SPAG16: variants seen among roughly 807,000 people sequenced by gnomAD.
SPAG16 encodes the protein sperm associated antigen 16, also known as sperm-associated antigen 16 protein.
Under a neutral mutation model 80.4 loss-of-function variants are expected in SPAG16, and 86 were observed. The observed-to-expected ratio is 1.07, with a 90% CI of 0.90 to 1.28. The LOEUF is 1.28. Among genes scored for constraint, SPAG16 ranks in the 50% most tolerant of loss-of-function variants. SPAG16 has a pLI of 0.00. For missense variants in SPAG16, 870 were observed against 765.3 expected (o/e 1.14, Z -1.61); for synonymous variants, 294 against 265.9 (o/e 1.11, Z -1.03).
At chr2:213,826,351 T>G (rs964064157) in intron 10 of SPAG16, among the ~76,000 whole-genome samples, 8 of 151,952 alleles carry the variant, frequency 5.3e-5, no homozygotes, top group Non-Finnish European at 1.5e-5. Context: ...TTATGTGTAG[T>G]TTTTCTTTTT....
At chr2:213,301,891 ATCTT>A (rs1271614001) in intron 3 of SPAG16, among the ~76,000 whole-genome samples, 1 of 151,974 alleles carries the variant, frequency 6.6e-6, no homozygotes, top group Non-Finnish European at 1.5e-5. Flanking sequence ...ATATTGGTTT[ATCTT>A]TCTTTATCTG....
intron 9 of SPAG16, among the ~76,000 whole-genome samples, chr2:213,387,733 C>T (rs902231014): frequency 4.6e-5 from 7 of 151,780 alleles, no homozygotes; most frequent in East Asian, 3.9e-4. Context: ...GGATTACAGG[C>T]GTGAGCCACC....
At chr2:213,871,838 T>TCACACACACA (rs1045988177) in intron 11 of SPAG16, among the ~76,000 whole-genome samples, 110 of 101,942 alleles carry the variant, frequency 1.1e-3, no homozygotes, top group African/African-American at 3.6e-3. Context: ...CTCAGGAAAT[T>TCACACACACA]CACACACACA....
intron 12 of SPAG16, among the ~76,000 whole-genome samples, chr2:213,949,179 T>TGTTTTTTTTTTTTTTTTTTTTTTTG (rs1553677649): frequency 2.8e-5 from 1 of 36,264 alleles, no homozygotes; most frequent in Non-Finnish European, 5.5e-5. Flanking sequence ...GTTTTTTTTT[T>TGTTTTTTTTTTTTTTTTTTTTTTTG]TTTTTTTTTT....
At position 213,567,165 on chromosome 2, in the gene SPAG16, CTTT is replaced by C. The variant is rs531916197; in HGVS notation, c.1070+77093_1070+77095del. Among the ~76,000 whole-genome samples the C allele has an allele frequency of 5.5e-3, 521 of 94,894 alleles. 2 individuals carry two copies. The highest frequency in any genetic ancestry group is 0.017 in the African/African-American group (449 of 25,670). The allele number at this position is 94,894 out of a possible 152,430, so 62.3% of individuals were successfully genotyped here. On this transcript the variant is annotated intron_variant, in intron 10 of 15. Transcript: ENST00000331683. Reference sequence around the variant, plus strand: ...TGCTCATTTCTAATCAACACAGATTCTTTTTTTTTTTTTTTTTTTTGACTTATC... The same window carrying C: ...TGCTCATTTCTAATCAACACAGATTCTTTTTTTTTTTTTTTTTGACTTATC...
At chr2:214,114,461 C>T (rs1236049427) in intron 14 of SPAG16, among the ~76,000 whole-genome samples, 1 of 151,992 alleles carries the variant, frequency 6.6e-6, no homozygotes, top group Non-Finnish European at 1.5e-5. Flanking sequence ...AGGCAGTAGG[C>T]CTTGCTTTTT....
At chr2:213,848,727 A>C (rs11674163) in intron 10 of SPAG16, among the ~76,000 whole-genome samples, 92,021 of 151,910 alleles carry the variant, frequency 0.61, 29,536 homozygotes, top group East Asian at 0.85. Context: ...CTCCCATCTA[A>C]TGGAAACTGA....
chr2:213,901,265 A>G (rs771709369), intron 11 of SPAG16, among the ~76,000 whole-genome samples: 17 of 152,198 alleles, frequency 1.1e-4, no homozygotes, highest in Non-Finnish European at 2.1e-4. Context: ...AGCAGCCTAC[A>G]AAAAGAAGGA....
intron 9 of SPAG16, among the ~76,000 whole-genome samples, chr2:213,477,571 C>T (rs747737667): frequency 6.6e-6 from 1 of 152,202 alleles, no homozygotes; most frequent in Admixed American, 6.5e-5. Context: ...TAATGACTGC[C>T]CTGTTGGAGA....
chr2:213,718,600 T>C (rs954954428), intron 10 of SPAG16, among the ~76,000 whole-genome samples: 9 of 152,158 alleles, frequency 5.9e-5, no homozygotes, highest in Admixed American at 2.6e-4. Flanking sequence ...CAGTCAGCCC[T>C]GCTGGCCCGG....
chr2:213,312,867 TG>T (rs1452834138), intron 4 of SPAG16, among the ~76,000 whole-genome samples: 3 of 151,824 alleles, frequency 2.0e-5, no homozygotes, highest in Admixed American at 6.6e-5. Flanking sequence ...TACAACTTTC[TG>T]GGGATGGTTA....
At chr2:213,371,055 G>A (rs2066600678) in intron 8 of SPAG16, among the ~76,000 whole-genome samples, 1 of 152,090 alleles carries the variant, frequency 6.6e-6, no homozygotes, top group Non-Finnish European at 1.5e-5. Flanking sequence ...TTTGTCTGTG[G>A]TCCCTTAGAC....
chr2:213,383,378 T>C (rs2067275691), intron 9 of SPAG16, among the ~76,000 whole-genome samples: 1 of 152,198 alleles, frequency 6.6e-6, no homozygotes, highest in Non-Finnish European at 1.5e-5. Flanking sequence ...TACTTGTTCC[T>C]GTTCTTCTCA....
At chr2:213,607,604 T>C (rs2061307886) in intron 10 of SPAG16, among the ~76,000 whole-genome samples, 1 of 152,220 alleles carries the variant, frequency 6.6e-6, no homozygotes, top group Non-Finnish European at 1.5e-5. Context: ...ATTACTGAAA[T>C]TAACTTAGCC....
rs567067013 is a variant in SPAG16, at chr2:214,073,857, AT to A, written c.1528-34338del. Among the ~76,000 whole-genome samples, 171 of 152,314 alleles carry A rather than the reference AT, an allele frequency of 1.1e-3. 1 individual carries two copies. The highest frequency in any genetic ancestry group is 2.1e-3 in the Non-Finnish European group (140 of 68,020). ...GGCTCAAAAATAGACAAGTAGAGTA[AT>A]GGAACAAAATAGAAGGCCTAAAACT... On this transcript the variant is annotated intron_variant, in intron 13 of 15. Coordinates refer to ENST00000331683, the MANE Select transcript of SPAG16 (RefSeq NM_024532.5).
intron 15 of SPAG16, among the ~76,000 whole-genome samples, chr2:214,368,963 C>G (rs1699651640): frequency 6.6e-6 from 1 of 152,042 alleles, no homozygotes; most frequent in Admixed American, 6.6e-5. Flanking sequence ...TTATGTTGTT[C>G]AACTTCGCCC....
At chr2:214,221,018 T>G (rs1376050893) in intron 15 of SPAG16, among the ~76,000 whole-genome samples, 1 of 152,164 alleles carries the variant, frequency 6.6e-6, no homozygotes, top group African/African-American at 2.4e-5. Context: ...TATTCCTTTA[T>G]TTTGCTTTTG....
chr2:214,169,234 T>A (rs1576402999), intron 15 of SPAG16, among the ~76,000 whole-genome samples: 1 of 152,210 alleles, frequency 6.6e-6, no homozygotes, highest in East Asian at 1.9e-4. Context: ...TAAATTAATG[T>A]ATTTATTTGT....
chr2:213,803,432 G>T (rs1337968677), intron 10 of SPAG16, among the ~76,000 whole-genome samples: 1 of 152,102 alleles, frequency 6.6e-6, no homozygotes, highest in East Asian at 1.9e-4. Flanking sequence ...GTGAGAGACA[G>T]ATTTTACCTT....
Sources: allele counts gnomAD v4.1 joint callset (sites outside exome capture counted in the v4.1 genomes callset), GRCh38; gene constraint gnomAD v4.1.1; transcripts MANE v1.5; gene names NCBI Gene and HGNC (gene_info 2026-07-23, HGNC 2026-07-21).